The following OR4N5 variants were observed in gnomAD, a reference collection of about 807,000 sequenced individuals.
OR4N5 encodes olfactory receptor 4N5.
For synonymous variants in OR4N5, 155 were observed against 140.6 expected (o/e 1.10, Z -0.72); for missense variants, 428 against 370.0 (o/e 1.16, Z -1.29).
At position 20,140,959 on chromosome 14, in the gene OR4N5, T is replaced by C. The variant is rs2139074374; in HGVS notation, c.-264T>C. The C allele has an allele frequency of 6.6e-6, 1 of 151,840 alleles. No homozygotes were observed. Among genetic ancestry groups the C allele is most frequent in the Non-Finnish European group, 1.5e-5 (1 of 67,960 alleles). 9.4% of individuals were successfully genotyped at this position (151,840 alleles called of 1,614,324 possible). ...ATGTGTCCTCCATCTCTGTGACAAATACAATTTGAGAATCAACAGAACAAA... is the reference window on the plus strand; with the variant it reads ...ATGTGTCCTCCATCTCTGTGACAAACACAATTTGAGAATCAACAGAACAAA... On this transcript the variant is annotated 5_prime_UTR_variant, in exon 2 of 3. Coordinates refer to ENST00000641086, the MANE Select transcript of OR4N5 (RefSeq NM_001004724.2).
In OR4N5 at chr14:20,143,870, C is replaced by T. The variant is rs1287825525; in HGVS notation, c.135C>T (p.Ile45=). 2 of 1,614,032 alleles carry T rather than the reference C, an allele frequency of 1.2e-6. No individual in the cohort carries two copies. Among genetic ancestry groups the T allele is most frequent in the South Asian group, 1.1e-5 (1 of 91,090 alleles). The change falls in exon 3 of 3, where the codon ATC becomes ATT. Residue 45 remains isoleucine (I), a synonymous_variant. Transcript: ENST00000641086. ...TCATCCTCCCTGGAAATTTCCTCATCATTTTCACCATAAAGTCAGACCCTG... is the reference window on the plus strand; with the variant it reads ...TCATCCTCCCTGGAAATTTCCTCATTATTTTCACCATAAAGTCAGACCCTG... ...YLIILPGNFL[I]IFTIKSDPGL...
chr14:20,141,755 T>C (rs1353634969), intron 2 of OR4N5, among the ~76,000 whole-genome samples: 1 of 152,172 alleles, frequency 6.6e-6, no homozygotes, highest in African/African-American at 2.4e-5. Context: ...AAAAAAGTTA[T>C]ATTGAAATGT....
rs1432976769 is a variant in OR4N5, at chr14:20,144,863, T to C, written c.*201T>C. 1.8e-6 allele frequency: 1 copy of C among 548,610 alleles called. No homozygotes were observed. Among genetic ancestry groups the C allele is most frequent in the Non-Finnish European group, 3.2e-6 (1 of 310,942 alleles). The allele number at this position is 548,610 out of a possible 1,614,324, so 34.0% of individuals were successfully genotyped here. ...CTAGATTTATATTCAAGGGGATAAA[T>C]ACAGGTTATTAGATTTATTCAAGGG... On this transcript the variant is annotated 3_prime_UTR_variant, in exon 3 of 3. Coordinates refer to ENST00000641086, the MANE Select transcript of OR4N5 (RefSeq NM_001004724.2).
intron 1 of OR4N5, among the ~76,000 whole-genome samples, chr14:20,140,274 G>C (rs745915714): frequency 3.9e-5 from 6 of 152,086 alleles, no homozygotes; most frequent in Non-Finnish European, 7.4e-5. Context: ...GAATGACAAG[G>C]AAGAGAGCAA....
chr14:20,143,711 A>AT lies in OR4N5; in HGVS notation c.-11-10dup. 6.5e-7 allele frequency: 1 copy of AT among 1,540,696 alleles called. No individual in the cohort carries two copies. The highest frequency in any genetic ancestry group is 2.2e-5 in the East Asian group (1 of 44,548). On this transcript the variant is annotated splice_polypyrimidine_tract_variant and intron_variant, in intron 2 of 2. Transcript: ENST00000641086. ...GTTATAACAGATAACAATTTGCCCT[A>AT]TTTTATTCTGCAGAGTGAGAAATTA... is the stretch of plus-strand genomic sequence containing the variant.
chr14:20,140,475 A>G (rs894497583), intron 1 of OR4N5, among the ~76,000 whole-genome samples: 3 of 152,168 alleles, frequency 2.0e-5, no homozygotes, highest in African/African-American at 7.2e-5. Context: ...TGAATGAGGA[A>G]GGATAAGGGA....
rs1024859180 is a variant in OR4N5 at position 20,145,303 on chromosome 14, G to C, written c.*641G>C. Reference sequence around the variant, plus strand: ...AGTTCAATTTATTCAGATTTCAAAAGGAGATTCTTGAAAGACAATAAGCAG... The same window carrying C: ...AGTTCAATTTATTCAGATTTCAAAACGAGATTCTTGAAAGACAATAAGCAG... On this transcript the variant is annotated 3_prime_UTR_variant, in exon 3 of 3. Coordinates refer to ENST00000641086, the MANE Select transcript of OR4N5 (RefSeq NM_001004724.2). 6.6e-6 allele frequency: 1 copy of C among 152,170 alleles called. No individual in the cohort carries two copies. The highest frequency in any genetic ancestry group is 1.5e-5 in the Non-Finnish European group (1 of 68,028). The allele number at this position is 152,170 out of a possible 1,614,324, so 9.4% of individuals were successfully genotyped here. A position where few individuals can be genotyped will look rare whatever the true frequency, so the allele number is the denominator to read the frequency against.
In OR4N5 at chr14:20,143,969, T is replaced by C; in HGVS notation, c.234T>C (p.Val78=). Reference sequence around the variant, plus strand: ...ATGCATCCTACTCCTTCATTGTGGTTCCCAGGATGTTGGTGGACTTCCTCT... The same window carrying C: ...ATGCATCCTACTCCTTCATTGTGGTCCCCAGGATGTTGGTGGACTTCCTCT... The part of the protein sequence containing the change: ...LLDASYSFIV[V]PRMLVDFLSE... Residue 78 remains valine (V), a synonymous_variant, in exon 3 of 3, where the codon GTT becomes GTC. Coordinates refer to ENST00000641086, the MANE Select transcript of OR4N5 (RefSeq NM_001004724.2). 1 of 1,614,086 alleles carries C rather than the reference T, an allele frequency of 6.2e-7. No individual in the cohort carries two copies. The highest frequency in any genetic ancestry group is 1.1e-5 in the South Asian group (1 of 91,076).
At position 20,144,935 on chromosome 14, in the gene OR4N5, A is replaced by G. The variant is rs1878707837; in HGVS notation, c.*273A>G. ...TTGAAAAACAACTATAGTTTCAGAAAGAAACAGTGTTCTGTAGCAAGCAGA... is the reference window on the plus strand; with the variant it reads ...TTGAAAAACAACTATAGTTTCAGAAGGAAACAGTGTTCTGTAGCAAGCAGA... On this transcript the variant is annotated 3_prime_UTR_variant, in exon 3 of 3. Transcript: ENST00000641086. The G allele has an allele frequency of 3.2e-6, 1 of 308,288 alleles. No homozygotes were observed. The highest frequency in any genetic ancestry group is 6.0e-6 in the Non-Finnish European group (1 of 167,106). The allele number at this position is 308,288 out of a possible 1,614,324, so 19.1% of individuals were successfully genotyped here. A position where few individuals can be genotyped will look rare whatever the true frequency, so the allele number is the denominator to read the frequency against.
Position 20,144,777 on chromosome 14 carries a change from A to G in OR4N5, c.*115A>G. On this transcript the variant is annotated 3_prime_UTR_variant, in exon 3 of 3. Coordinates refer to ENST00000641086, the MANE Select transcript of OR4N5 (RefSeq NM_001004724.2). Reference sequence around the variant, plus strand: ...TTAGCAAGTATTATAATTATTAAGTACTTCCCATTTTCAGGCACTATTCCA... The same window carrying G: ...TTAGCAAGTATTATAATTATTAAGTGCTTCCCATTTTCAGGCACTATTCCA... The G allele has an allele frequency of 1.5e-6, 1 of 677,180 alleles. No homozygotes were observed. The highest frequency in any genetic ancestry group is 2.7e-5 in the East Asian group (1 of 37,016). 41.9% of individuals were successfully genotyped at this position (677,180 alleles called of 1,614,324 possible).
chr14:20,139,250 G>A (rs1245033404), intron 1 of OR4N5, among the ~76,000 whole-genome samples: 2 of 151,986 alleles, frequency 1.3e-5, no homozygotes, highest in African/African-American at 2.4e-5. Flanking sequence ...TAAACCAAAG[G>A]TAAAGGGAGG....
chr14:20,144,718 A>G lies in OR4N5; in HGVS notation c.*56A>G. The stretch of plus-strand genomic sequence containing the variant: ...AAGTCCAGTTGAATTTAGCTAAATC[A>G]TTTCCTCATTCATGCATTGAATCAG... On this transcript the variant is annotated 3_prime_UTR_variant, in exon 3 of 3. Coordinates refer to ENST00000641086, the MANE Select transcript of OR4N5 (RefSeq NM_001004724.2). 8.8e-7 allele frequency: 1 copy of G among 1,142,094 alleles called. No homozygotes were observed. The highest frequency in any genetic ancestry group is 1.5e-5 in the South Asian group (1 of 67,878). The allele number at this position is 1,142,094 out of a possible 1,614,324, so 70.7% of individuals were successfully genotyped here. A position where few individuals can be genotyped will look rare whatever the true frequency, so the allele number is the denominator to read the frequency against.
At chr14:20,142,158 C>T (rs139653631) in intron 2 of OR4N5, among the ~76,000 whole-genome samples, 2,416 of 151,938 alleles carry the variant, frequency 0.016, 60 homozygotes, top group African/African-American at 0.049. Flanking sequence ...TGGAGTCTCG[C>T]TCTGTTGCCC....
Position 20,143,910 on chromosome 14 carries a change from C to G in OR4N5, c.175C>G (p.Leu59Val), listed in dbSNP as rs148198731. ...IKSDPGLTAP[L>V]YFFLGNLALL... ...GTCAGACCCTGGGCTCACAGCCCCCCTCTATTTCTTTCTGGGCAACTTGGC... is the reference window on the plus strand; with the variant it reads ...GTCAGACCCTGGGCTCACAGCCCCCGTCTATTTCTTTCTGGGCAACTTGGC... The change falls in exon 3 of 3, where the codon CTC becomes GTC. Residue 59 changes from leucine to valine, a missense_variant. Physicochemically the swap from Leu to Val is conservative, Grantham distance 32 (BLOSUM62 1). Coordinates refer to ENST00000641086, the MANE Select transcript of OR4N5 (RefSeq NM_001004724.2). The G allele has an allele frequency of 1.1e-4, 180 of 1,613,972 alleles. No individual in the cohort carries two copies. Among genetic ancestry groups the G allele is most frequent in the Non-Finnish European group, 1.5e-4 (177 of 1,179,974 alleles).
At chr14:20,139,188 C>A (rs945424638) in intron 1 of OR4N5, among the ~76,000 whole-genome samples, 2 of 151,976 alleles carry the variant, frequency 1.3e-5, no homozygotes, top group Non-Finnish European at 2.9e-5. Flanking sequence ...GAAGATTCAC[C>A]ACCTGGATTT....
rs1295651469 is a variant in OR4N5 at position 20,143,887 on chromosome 14, C to T, written c.152C>T (p.Ser51Leu). 1 of 1,614,060 alleles carries T rather than the reference C, an allele frequency of 6.2e-7. No homozygotes were observed. Among genetic ancestry groups the T allele is most frequent in the Admixed American group, 1.7e-5 (1 of 60,012 alleles). Residue 51 changes from serine to leucine, a missense_variant, in exon 3 of 3, where the codon TCA becomes TTA. Coordinates refer to ENST00000641086, the MANE Select transcript of OR4N5 (RefSeq NM_001004724.2). Reference sequence around the variant, plus strand: ...TTCCTCATCATTTTCACCATAAAGTCAGACCCTGGGCTCACAGCCCCCCTC... The same window carrying T: ...TTCCTCATCATTTTCACCATAAAGTTAGACCCTGGGCTCACAGCCCCCCTC... ...GNFLIIFTIK[S>L]DPGLTAPLYF...
rs2139076184 is a variant in OR4N5 at position 20,143,710 on chromosome 14, T to C, written c.-11-15T>C. 6.6e-7 allele frequency: 1 copy of C among 1,519,842 alleles called. No individual in the cohort carries two copies. The highest frequency in any genetic ancestry group is 9.0e-7 in the Non-Finnish European group (1 of 1,116,808). 94.1% of individuals were successfully genotyped at this position (1,519,842 alleles called of 1,614,324 possible). A position where few individuals can be genotyped will look rare whatever the true frequency, so the allele number is the denominator to read the frequency against. On this transcript the variant is annotated splice_polypyrimidine_tract_variant and intron_variant, in intron 2 of 2. Transcript: ENST00000641086. ...GGTTATAACAGATAACAATTTGCCC[T>C]ATTTTATTCTGCAGAGTGAGAAATT... is the stretch of plus-strand genomic sequence containing the variant.
Position 20,143,879 on chromosome 14 carries a change from C to T in OR4N5, c.144C>T (p.Thr48=). 6.2e-7 allele frequency: 1 copy of T among 1,614,006 alleles called. No homozygotes were observed. The highest frequency in any genetic ancestry group is 1.3e-5 in the African/African-American group (1 of 75,014). ...CTGGAAATTTCCTCATCATTTTCAC[C>T]ATAAAGTCAGACCCTGGGCTCACAG... ...ILPGNFLIIF[T]IKSDPGLTAP... The change falls in exon 3 of 3, where the codon ACC becomes ACT. Residue 48 remains threonine, a synonymous_variant. Coordinates refer to ENST00000641086, the MANE Select transcript of OR4N5 (RefSeq NM_001004724.2).
Position 20,144,216 on chromosome 14 carries a change from G to C in OR4N5, c.481G>C (p.Ala161Pro), listed in dbSNP as rs756370828. 5 of 1,614,020 alleles carry C rather than the reference G, an allele frequency of 3.1e-6. No individual in the cohort carries two copies. The highest frequency in any genetic ancestry group is 4.2e-6 in the Non-Finnish European group (5 of 1,179,984). The change falls in exon 3 of 3, where the codon GCC becomes CCC. Residue 161 changes from alanine to proline, a missense_variant. Physicochemically the swap from Ala to Pro is conservative, Grantham distance 27 (BLOSUM62 -1). Transcript: ENST00000641086. ...GGFIHSIVQV[A>P]LILHLPFCGP... The stretch of plus-strand genomic sequence containing the variant: ...CTTTATCCATTCCATTGTACAAGTA[G>C]CCCTTATCCTGCACTTGCCTTTCTG...
Sources: gnomAD v4.1 joint callset for allele counts (sites outside exome capture counted in the v4.1 genomes callset) on GRCh38, gnomAD v4.1.1 for gene constraint, MANE v1.5 for transcripts, NCBI Gene and HGNC (gene_info 2026-07-23, HGNC 2026-07-21) for gene names.